WDR27: variants seen among roughly 807,000 people sequenced by gnomAD.
WDR27 encodes the protein WD repeat domain 27.
WDR27 carries 100 observed loss-of-function variants against 114.4 expected under a neutral mutation model. The ratio of observed to expected loss-of-function variants is 0.87; its 90% confidence interval spans 0.74 to 1.03. The LOEUF (loss-of-function observed/expected upper bound fraction) is 1.03. Ranked by LOEUF, WDR27 falls within the 50% of genes least tolerant of loss-of-function variation. The probability of loss-of-function intolerance (pLI) is 0.00; values close to 1 mark genes in which losing one functional copy is unlikely to be tolerated. For missense variants in WDR27, 1,129 were observed against 1,092.9 expected (o/e 1.03, Z -0.47); for synonymous variants, 449 against 423.1 (o/e 1.06, Z -0.75).
intron 25 of WDR27, among the ~76,000 whole-genome samples, chr6:169,547,915 C>CAA (rs533209620): frequency 7.7e-6 from 1 of 130,286 alleles, no homozygotes; most frequent in African/African-American, 2.8e-5. Flanking sequence ...AAGAATTTAC[C>CAA]AAAAAAAAAA....
chr6:169,465,400 G>A (rs7752952), intron 25 of WDR27, among the ~76,000 whole-genome samples: 1 of 151,938 alleles, frequency 6.6e-6, no homozygotes, highest in African/African-American at 2.4e-5. Context: ...AATAAAAAGT[G>A]TCAGTGAGGC....
At chr6:169,691,194 A>G (rs1784413553) in intron 1 of WDR27, among the ~76,000 whole-genome samples, 1 of 152,174 alleles carries the variant, frequency 6.6e-6, no homozygotes, top group Admixed American at 6.5e-5. Context: ...CAGCCTGGGC[A>G]ACAGAGCGAG....
At chr6:169,534,581 T>TA (rs1334084763) in intron 25 of WDR27, among the ~76,000 whole-genome samples, 1 of 152,110 alleles carries the variant, frequency 6.6e-6, no homozygotes, top group East Asian at 1.9e-4. Flanking sequence ...GTTATAGATC[T>TA]AGTTCAATGT....
At chr6:169,552,327 T>C (rs1296367053) in intron 25 of WDR27, among the ~76,000 whole-genome samples, 1 of 152,038 alleles carries the variant, frequency 6.6e-6, no homozygotes, top group Non-Finnish European at 1.5e-5. Context: ...TTATTGTTCG[T>C]CTCCCCCACT....
intron 21 of WDR27, among the ~76,000 whole-genome samples, chr6:169,624,961 C>A (rs1038217536): frequency 4.6e-5 from 7 of 152,338 alleles, no homozygotes; most frequent in Middle Eastern, 3.4e-3. Context: ...GCAGCCCTCA[C>A]CCTCGGGGCC....
chr6:169,540,311 T>C (rs1796676634), intron 25 of WDR27, among the ~76,000 whole-genome samples: 1 of 152,236 alleles, frequency 6.6e-6, no homozygotes, highest in East Asian at 1.9e-4. Context: ...TCTTTCACAT[T>C]GAAATCATAT....
At chr6:169,487,017 G>A (rs1789018372) in intron 25 of WDR27, among the ~76,000 whole-genome samples, 1 of 152,172 alleles carries the variant, frequency 6.6e-6, no homozygotes, top group African/African-American at 2.4e-5. Context: ...GGGCAGCACA[G>A]CAATTCTGAG....
At chr6:169,613,776 T>C (rs949690967) in intron 21 of WDR27, 120 bp from the exon 22 acceptor site, 1 of 883,958 alleles carries the variant, frequency 1.1e-6, no homozygotes, top group Admixed American at 2.9e-5. Flanking sequence ...GTTTTTTTCT[T>C]ACTTGTAACA....
chr6:169,467,285 G>C (rs1435804290), intron 25 of WDR27, among the ~76,000 whole-genome samples: 1 of 152,158 alleles, frequency 6.6e-6, no homozygotes, highest in African/African-American at 2.4e-5. Context: ...CTGGGGTCTG[G>C]AGGATGGTGG....
intron 25 of WDR27, among the ~76,000 whole-genome samples, chr6:169,512,094 T>C (rs941326805): frequency 3.9e-5 from 6 of 152,194 alleles, no homozygotes; most frequent in African/African-American, 1.2e-4. Flanking sequence ...TTATTATAAA[T>C]TATTTCCTTT....
intron 25 of WDR27, among the ~76,000 whole-genome samples, chr6:169,477,432 A>T (rs1787335793): frequency 6.6e-6 from 1 of 152,078 alleles, no homozygotes; most frequent in African/African-American, 2.4e-5. Flanking sequence ...CAGTTTCTTA[A>T]TTTTTTTTAA....
At chr6:169,605,768 A>G (rs968366951) in intron 22 of WDR27, among the ~76,000 whole-genome samples, 5 of 152,154 alleles carry the variant, frequency 3.3e-5, no homozygotes, top group Non-Finnish European at 5.9e-5. Flanking sequence ...AGACATATAG[A>G]CCAATGGAAC....
At chr6:169,666,407 T>C (rs565111820) in intron 6 of WDR27, 39 of 985,392 alleles carry the variant, frequency 4.0e-5, no homozygotes, top group South Asian at 4.7e-5. Flanking sequence ...GGCATTTTCA[T>C]GTCACTTACC....
intron 1 of WDR27, among the ~76,000 whole-genome samples, chr6:169,694,407 T>C (rs566092652): frequency 2.6e-5 from 4 of 152,224 alleles, no homozygotes; most frequent in Non-Finnish European, 4.4e-5. Flanking sequence ...TAAACTTAAC[T>C]ATCTGGCAAT....
At chr6:169,449,967 G>A in the WDR27 span, among the ~76,000 whole-genome samples, 1 of 151,858 alleles carries the variant, frequency 6.6e-6, no homozygotes, top group East Asian at 1.9e-4. Flanking sequence ...GACTATTTGG[G>A]GTGAATAATT....
intron 3 of WDR27, chr6:169,671,714 T>A (rs1778796476): frequency 6.6e-6 from 1 of 151,714 alleles, no homozygotes; most frequent in Non-Finnish European, 1.5e-5. Flanking sequence ...TCTCAAAGGC[T>A]CCCATGCATG....
chr6:169,471,344 C>T (rs1786364854), intron 25 of WDR27, among the ~76,000 whole-genome samples: 1 of 152,046 alleles, frequency 6.6e-6, no homozygotes, highest in Non-Finnish European at 1.5e-5. Context: ...TGGTTCCAAA[C>T]TTCTTAATTA....
At chr6:169,435,541 G>A in the WDR27 span, among the ~76,000 whole-genome samples, 3 of 152,230 alleles carry the variant, frequency 2.0e-5, no homozygotes, top group Non-Finnish European at 2.9e-5. Flanking sequence ...TGACCTGGAC[G>A]TGAGACATGG....
intron 25 of WDR27, among the ~76,000 whole-genome samples, chr6:169,467,783 T>G (rs777060419): frequency 6.6e-6 from 1 of 152,262 alleles, no homozygotes; most frequent in African/African-American, 2.4e-5. Context: ...TAGCTCCTCA[T>G]TACTTATGCA....
Sources: gnomAD v4.1 joint callset for allele counts (sites outside exome capture counted in the v4.1 genomes callset) on GRCh38, gnomAD v4.1.1 for gene constraint, MANE v1.5 for transcripts, NCBI Gene and HGNC (gene_info 2026-07-23, HGNC 2026-07-21) for gene names.